Variants in EVC observed in about 807,000 individuals in gnomAD.
EVC encodes the protein evC complex member EVC.
In EVC, 116 loss-of-function variants were observed where a neutral mutation model predicts 118.9. The ratio of observed to expected loss-of-function variants is 0.98; its 90% confidence interval spans 0.84 to 1.14. The LOEUF is 1.14. EVC is among the 50% of genes most tolerant of loss of function. The probability of loss-of-function intolerance (pLI) is 0.00; values close to 1 mark genes in which losing one functional copy is unlikely to be tolerated. For missense variants in EVC, 1,401 were observed against 1,246.4 expected (o/e 1.12, Z -1.87); for synonymous variants, 619 against 534.7 (o/e 1.16, Z -2.18).
intron 15 of EVC, among the ~76,000 whole-genome samples, chr4:5,801,415 A>G (rs896644897): frequency 1.3e-5 from 2 of 152,124 alleles, no homozygotes; most frequent in South Asian, 4.1e-4. Context: ...GTGGTGGCTC[A>G]TGCCTGTACT....
At chr4:5,733,777 AT>A (rs1727234296) in intron 5 of EVC, among the ~76,000 whole-genome samples, 1 of 152,204 alleles carries the variant, frequency 6.6e-6, no homozygotes, top group Admixed American at 6.5e-5. Context: ...TGATAAGAAT[AT>A]TTATGAGCAT....
rs35237111 is a variant in EVC, at chr4:5,784,606, A to ATT, written c.1776+863_1776+864dup. Among the ~76,000 whole-genome samples, 389 of 111,132 alleles carry ATT rather than the reference A, an allele frequency of 3.5e-3. 2 individuals are homozygous for ATT. Among genetic ancestry groups the ATT allele is most frequent in the East Asian group, 0.012 (46 of 3,808 alleles). 72.9% of individuals were successfully genotyped at this position (111,132 alleles called of 152,430 possible). Reference sequence around the variant, plus strand: ...TAGGAAACTAATACAATACACATTGATTTTTTTTTTTTTTTTTTTTTTGGA... The same window carrying ATT: ...TAGGAAACTAATACAATACACATTGATTTTTTTTTTTTTTTTTTTTTTTTGGA... On this transcript the variant is annotated intron_variant, in intron 12 of 20. Transcript: ENST00000264956.
chr4:5,759,105 A>G (rs1051325115), intron 11 of EVC, among the ~76,000 whole-genome samples: 3 of 151,950 alleles, frequency 2.0e-5, no homozygotes, highest in Non-Finnish European at 4.4e-5. Flanking sequence ...GCCCAGGCAC[A>G]GTAGCTGTAC....
chr4:5,794,934 A>T (rs1446775795), intron 13 of EVC, among the ~76,000 whole-genome samples: 1 of 152,040 alleles, frequency 6.6e-6, no homozygotes, highest in Non-Finnish European at 1.5e-5. Flanking sequence ...CCATCCTTAT[A>T]TCTATAGGTG....
At position 5,798,686 on chromosome 4, in the gene EVC, G is replaced by C. The variant is rs764450324; in HGVS notation, c.2198G>C (p.Gly733Ala). 2 of 1,605,428 alleles carry C rather than the reference G, an allele frequency of 1.2e-6. No homozygotes were observed. Among genetic ancestry groups the C allele is most frequent in the Admixed American group, 1.7e-5 (1 of 59,192 alleles). ...CTCCTGGCCGAGGCCCAGGAGGTGG[G>C]GCAGCTTCTGCAGCAGCACATGGAG... is the stretch of plus-strand genomic sequence containing the variant. ...QRLLAEAQEV[G>A]QLLQQHMECA... The change falls in exon 15 of 21, where the codon GGG becomes GCG. Residue 733 changes from glycine to alanine, a missense_variant. Coordinates refer to ENST00000264956, the MANE Select transcript of EVC (RefSeq NM_153717.3). This position sits in a 1 kb window ranked among gnomAD's most constrained non-coding sequence, Gnocchi z 4.1.
chr4:5,735,790 A>G (rs1727571296), intron 5 of EVC, among the ~76,000 whole-genome samples: 1 of 152,142 alleles, frequency 6.6e-6, no homozygotes, highest in Admixed American at 6.5e-5. Flanking sequence ...TGCACCCTGC[A>G]TGTTAAAGGT....
Position 5,714,495 on chromosome 4 carries a change from A to ATTT in EVC, c.174+2957_174+2959dup, listed in dbSNP as rs56388164. On this transcript the variant is annotated intron_variant, in intron 1 of 20. Coordinates refer to ENST00000264956, the MANE Select transcript of EVC (RefSeq NM_153717.3). Reference sequence around the variant, plus strand: ...ATGTGCCTATATTGCTGCTGCTTGCATTTTTTTTTTTTTTTTTTGGCTGCG... The same window carrying ATTT: ...ATGTGCCTATATTGCTGCTGCTTGCATTTTTTTTTTTTTTTTTTTTTGGCTGCG... Among the ~76,000 whole-genome samples the ATTT allele has an allele frequency of 5.5e-4, 71 of 129,672 alleles. 2 individuals are homozygous for ATTT. The highest frequency in any genetic ancestry group is 3.7e-3 in the Middle Eastern group (1 of 270). 85.1% of individuals were successfully genotyped at this position (129,672 alleles called of 152,430 possible).
chr4:5,771,599 A>G (rs928029674), intron 11 of EVC, among the ~76,000 whole-genome samples: 2 of 152,224 alleles, frequency 1.3e-5, no homozygotes, highest in African/African-American at 2.4e-5. Context: ...TTCCAAAGAG[A>G]GAAATAAATT....
At chr4:5,729,879 G>A (rs1318556526) in intron 3 of EVC, among the ~76,000 whole-genome samples, 1 of 152,164 alleles carries the variant, frequency 6.6e-6, no homozygotes, top group East Asian at 1.9e-4. Flanking sequence ...AGAGGCGAGT[G>A]ACCTGAGGTC....
In EVC at chr4:5,737,278, A is replaced by C. The variant is rs759627678; in HGVS notation, c.702+3843A>C. 2.9e-4 allele frequency among the ~76,000 whole-genome samples: 44 copies of C among 152,344 alleles called. No homozygotes were observed. Among genetic ancestry groups the C allele is most frequent in the Non-Finnish European group, 5.3e-4 (36 of 68,028 alleles). ...TTGAAGCTAGCAGAGCATGAGGTTT[A>C]AAGAAAGAAGCTGTCTCCAGAACAA... On this transcript the variant is annotated intron_variant, in intron 5 of 20. Coordinates refer to ENST00000264956, the MANE Select transcript of EVC (RefSeq NM_153717.3). The surrounding 1 kb of genome is among the most constrained non-coding windows in gnomAD (Gnocchi z 5.0).
intron 12 of EVC, among the ~76,000 whole-genome samples, chr4:5,793,241 A>T (rs987785869): frequency 1.3e-5 from 2 of 152,224 alleles, no homozygotes; most frequent in Non-Finnish European, 2.9e-5. Flanking sequence ...TGTTAATTAT[A>T]CAAGACAAAG....
chr4:5,787,436 A>C (rs1288092580), intron 12 of EVC, among the ~76,000 whole-genome samples: 1 of 152,214 alleles, frequency 6.6e-6, no homozygotes, highest in African/African-American at 2.4e-5. Flanking sequence ...GCAGTGCCAG[A>C]GTGAGGAGTG....
intron 11 of EVC, among the ~76,000 whole-genome samples, chr4:5,763,663 A>G (rs1413069785): frequency 4.4e-5 from 5 of 113,806 alleles, no homozygotes; most frequent in East Asian, 4.8e-4. Flanking sequence ...CTTTGAAGCA[A>G]TTGTGAATGG....
At position 5,742,857 on chromosome 4, in the gene EVC, G is replaced by T. The variant is rs983500062; in HGVS notation, c.801+1043G>T. ...CACCTAGGAAGGAATTCAAGGGAGA[G>T]CCAGTGGTGTTAGACAGTAGTGTTT... is the stretch of plus-strand genomic sequence containing the variant. On this transcript the variant is annotated intron_variant, in intron 6 of 20. Transcript: ENST00000264956. The surrounding 1 kb of genome is among the most constrained non-coding windows in gnomAD (Gnocchi z 5.2). Among the ~76,000 whole-genome samples the T allele has an allele frequency of 6.6e-6, 1 of 152,210 alleles. No individual in the cohort carries two copies. The highest frequency in any genetic ancestry group is 6.5e-5 in the Admixed American group (1 of 15,280).
chr4:5,750,815 C>T (rs1406693355), intron 8 of EVC, among the ~76,000 whole-genome samples: 2 of 152,106 alleles, frequency 1.3e-5, no homozygotes, highest in Non-Finnish European at 2.9e-5. Context: ...CAGGGCTACA[C>T]AGTCTATGTT....
At chr4:5,766,325 C>G (rs1216849670) in intron 11 of EVC, among the ~76,000 whole-genome samples, 4 of 150,052 alleles carry the variant, frequency 2.7e-5, no homozygotes, top group African/African-American at 9.9e-5. Flanking sequence ...TTCTCTCTGG[C>G]TGCCCTTAAC....
intron 17 of EVC, among the ~76,000 whole-genome samples, chr4:5,806,389 A>C (rs1157557178): frequency 1.3e-5 from 2 of 151,222 alleles, no homozygotes; most frequent in Non-Finnish European, 3.0e-5. Flanking sequence ...CTGTCATTCT[A>C]CTCGCTGTGT....
intron 3 of EVC, among the ~76,000 whole-genome samples, chr4:5,730,590 C>T (rs1403840679): frequency 1.3e-5 from 2 of 152,064 alleles, no homozygotes; most frequent in East Asian, 1.9e-4. Flanking sequence ...GAGGCCCTCA[C>T]TGCCTGAGTG....
the EVC span, chr4:5,828,204 C>A: frequency 8.1e-6 from 8 of 985,286 alleles, no homozygotes; most frequent in African/African-American, 1.7e-5. Flanking sequence ...AGGACAGCGC[C>A]CAGAGCAGCT....
Sources: allele counts gnomAD v4.1 joint callset (sites outside exome capture counted in the v4.1 genomes callset), GRCh38; gene constraint gnomAD v4.1.1; non-coding constraint Gnocchi (gnomAD v3.1); transcripts MANE v1.5; gene names NCBI Gene and HGNC (gene_info 2026-07-23, HGNC 2026-07-21).